The following NSF variants were observed in gnomAD, a reference collection of about 807,000 sequenced individuals.
NSF encodes the protein vesicle-fusing ATPase.
A neutral mutation model predicts 50.3 loss-of-function variants in NSF; 14 were observed. The observed-to-expected ratio is 0.28, with a 90% CI of 0.18 to 0.44. The LOEUF is 0.44. Ranked by LOEUF, NSF falls within the 20% of genes least tolerant of loss-of-function variation. NSF has a pLI of 1.00. For synonymous variants in NSF, 109 were observed against 175.7 expected (o/e 0.62, Z 3.00); for missense variants, 218 against 504.3 (o/e 0.43, Z 5.44).
At chr17:46,595,603 C>A (rs1227039688) in intron 1 of NSF, among the ~76,000 whole-genome samples, 1 of 130,970 alleles carries the variant, frequency 7.6e-6, no homozygotes, top group Non-Finnish European at 1.5e-5. Flanking sequence ...GCGATTCTCC[C>A]GCCTCAGCCT....
intron 15 of NSF, among the ~76,000 whole-genome samples, chr17:46,717,416 T>C (rs1348393063): frequency 2.0e-5 from 3 of 151,852 alleles, no homozygotes; most frequent in Admixed American, 6.6e-5. Context: ...AAATTAACTA[T>C]ACTTAAAAAT....
chr17:46,721,844 C>T, intron 15 of NSF: 1 of 1,590,098 alleles, frequency 6.3e-7, no homozygotes, highest in Non-Finnish European at 8.6e-7. Context: ...TTTTGTACGG[C>T]TTTTTCGAGT....
chr17:46,747,588 C>G (rs957077793), intron 17 of NSF, among the ~76,000 whole-genome samples: 5 of 151,954 alleles, frequency 3.3e-5, no homozygotes, highest in African/African-American at 1.2e-4. Flanking sequence ...AGATCTAAAA[C>G]AAGATATTGT....
chr17:46,728,083 G>T (rs2058909662), intron 16 of NSF, among the ~76,000 whole-genome samples: 1 of 152,104 alleles, frequency 6.6e-6, no homozygotes, highest in Non-Finnish European at 1.5e-5. Flanking sequence ...ACCTCAGGGG[G>T]CCTGCGAGTA....
intron 18 of NSF, among the ~76,000 whole-genome samples, chr17:46,750,374 A>G (rs189203577): frequency 1.1e-4 from 16 of 152,330 alleles, no homozygotes; most frequent in Non-Finnish European, 2.1e-4. Flanking sequence ...GCCTAGGACC[A>G]GAAGTGTTTC....
chr17:46,707,981 C>T (rs574998414), intron 13 of NSF, among the ~76,000 whole-genome samples: 2 of 149,404 alleles, frequency 1.3e-5, no homozygotes, highest in East Asian at 2.0e-4. Context: ...TGCAGTGAGC[C>T]GAGATTGTGC....
At chr17:46,694,714 C>T (rs1468441122) in intron 12 of NSF, 52 bp downstream of exon 12, 1 of 1,551,160 alleles carries the variant, frequency 6.4e-7, no homozygotes, top group Non-Finnish European at 8.8e-7. Flanking sequence ...TATTCTTTCT[C>T]TTTCCTTTCA....
At chr17:46,732,145 G>A (rs980722546) in intron 17 of NSF, among the ~76,000 whole-genome samples, 3 of 152,136 alleles carry the variant, frequency 2.0e-5, no homozygotes, top group Non-Finnish European at 4.4e-5. Context: ...AAAGTTGTGA[G>A]CATTTTTCTT....
At chr17:46,726,049 T>A (rs1416664452) in intron 15 of NSF, among the ~76,000 whole-genome samples, 1 of 152,226 alleles carries the variant, frequency 6.6e-6, no homozygotes, top group Non-Finnish European at 1.5e-5. Flanking sequence ...ATCTATCTGA[T>A]CCTTCATACT....
rs560925104 is a variant in NSF at position 46,709,440 on chromosome 17, T to C, written c.1471-1523T>C. Among the ~76,000 whole-genome samples, 381 of 152,144 alleles carry C rather than the reference T, an allele frequency of 2.5e-3. 1 individual carries two copies. Among genetic ancestry groups the C allele is most frequent in the African/African-American group, 8.5e-3 (352 of 41,510 alleles). ...GGTTCAGGCATCTTAAAGCTTCTGC[T>C]GTGAGGCTTGGAGTATATAACTGGA... is the stretch of plus-strand genomic sequence containing the variant. On this transcript the variant is annotated intron_variant, in intron 13 of 20. Transcript: ENST00000398238.
chr17:46,707,066 G>A (rs2146252166), intron 13 of NSF, among the ~76,000 whole-genome samples: 1 of 151,842 alleles, frequency 6.6e-6, no homozygotes, highest in East Asian at 1.9e-4. Flanking sequence ...GGCTAGGCTG[G>A]TCTCGAACTC....
intron 8 of NSF, among the ~76,000 whole-genome samples, chr17:46,657,500 CTT>C (rs1277998304): frequency 3.5e-5 from 5 of 144,006 alleles, no homozygotes; most frequent in Non-Finnish European, 6.2e-5. Flanking sequence ...GAAATAGAAA[CTT>C]TTTCAGAATA....
chr17:46,738,191 C>G (rs995472646), intron 17 of NSF, among the ~76,000 whole-genome samples: 1 of 152,102 alleles, frequency 6.6e-6, no homozygotes, highest in Admixed American at 6.5e-5. Flanking sequence ...ACCTCAGCTT[C>G]CCAGAGTGCT....
At chr17:46,748,858 G>A (rs181344991) in intron 17 of NSF, among the ~76,000 whole-genome samples, 2 of 152,332 alleles carry the variant, frequency 1.3e-5, no homozygotes, top group Non-Finnish European at 2.9e-5. Flanking sequence ...ACAAAATGTT[G>A]TCCAAGAAAG....
chr17:46,723,827 T>A (rs1181037380), intron 15 of NSF, among the ~76,000 whole-genome samples: 1 of 152,206 alleles, frequency 6.6e-6, no homozygotes, highest in Non-Finnish European at 1.5e-5. Context: ...AATTAACTAT[T>A]ATTCCCCTCT....
chr17:46,749,973 C>T, intron 18 of NSF, 66 bp downstream of exon 18: 31 of 1,509,540 alleles, frequency 2.1e-5, no homozygotes, highest in Non-Finnish European at 2.7e-5. Context: ...ATAAGTAGTA[C>T]CACATTATAC....
intron 17 of NSF, among the ~76,000 whole-genome samples, chr17:46,733,167 C>T (rs1422102282): frequency 1.3e-5 from 2 of 152,130 alleles, no homozygotes; most frequent in African/African-American, 4.8e-5. Flanking sequence ...CACTGGGGCT[C>T]TTTTCAAGTT....
At chr17:46,724,478 G>A (rs1386370071) in intron 15 of NSF, among the ~76,000 whole-genome samples, 1 of 152,154 alleles carries the variant, frequency 6.6e-6, no homozygotes, top group Non-Finnish European at 1.5e-5. Flanking sequence ...ATCATGCAGT[G>A]ACTCCTAAGG....
intron 17 of NSF, among the ~76,000 whole-genome samples, chr17:46,745,454 C>G (rs1010653530): frequency 6.6e-6 from 1 of 152,198 alleles, no homozygotes; most frequent in Non-Finnish European, 1.5e-5. Flanking sequence ...ATTAGCGTCT[C>G]CAGTATGGTT....
Sources: gnomAD v4.1 joint callset for allele counts (sites outside exome capture counted in the v4.1 genomes callset) on GRCh38, gnomAD v4.1.1 for gene constraint, MANE v1.5 for transcripts, NCBI Gene and HGNC (gene_info 2026-07-23, HGNC 2026-07-21) for gene names.